Variants in MAP7 observed in about 807,000 individuals in gnomAD.
MAP7 encodes the protein ensconsin.
MAP7 carries 52 observed loss-of-function variants against 94.8 expected under a neutral mutation model. The ratio of observed to expected loss-of-function variants is 0.55; its 90% CI spans 0.44 to 0.69. The LOEUF is 0.69. Ranked by LOEUF, MAP7 falls within the 30% of genes least tolerant of loss-of-function variation. The probability of loss-of-function intolerance (pLI) is 0.00; values close to 1 mark genes in which losing one functional copy is unlikely to be tolerated. For missense variants in MAP7, 940 were observed against 964.6 expected (o/e 0.97, Z 0.34); for synonymous variants, 350 against 357.0 (o/e 0.98, Z 0.22).
At chr6:136,382,032 T>C (rs1165535022) in intron 6 of MAP7, among the ~76,000 whole-genome samples, 1 of 152,106 alleles carries the variant, frequency 6.6e-6, no homozygotes, top group Non-Finnish European at 1.5e-5. Context: ...GTCACCCTTC[T>C]GCAATAATTA....
Position 136,489,983 on chromosome 6 carries a change from C to G in MAP7, c.67+60359G>C, listed in dbSNP as rs971460244. Among the ~76,000 whole-genome samples, 29 of 152,194 alleles carry G rather than the reference C, an allele frequency of 1.9e-4. 1 individual carries two copies. The highest frequency in any genetic ancestry group is 1.7e-3 in the Admixed American group (26 of 15,280). ...GAAGTCAGCCAAATATATACAATTC[C>G]TCTTCCAGATATATATATAAGCTGG... On this transcript the variant is annotated intron_variant, in intron 1 of 17. Coordinates refer to ENST00000354570, the MANE Select transcript of MAP7 (RefSeq NM_003980.6).
intron 1 of MAP7, among the ~76,000 whole-genome samples, chr6:136,432,519 C>A (rs961627898): frequency 3.9e-5 from 6 of 152,242 alleles, no homozygotes; most frequent in Non-Finnish European, 7.3e-5. Flanking sequence ...GCCTTAGCAG[C>A]CAGTGGAATT....
rs1457134604 is a variant in MAP7 at position 136,372,456 on chromosome 6, G to A, written c.876+45C>T. On this transcript the variant is annotated intron_variant, in intron 8 of 17. Coordinates refer to ENST00000354570, the MANE Select transcript of MAP7 (RefSeq NM_003980.6). ...GTCATGTACAGTCTGCACAGGAACA[G>A]CACTGGCTCCCAGACTTGCCCAGCT... The A allele has an allele frequency of 3.1e-6, 5 of 1,610,330 alleles. No homozygotes were observed. In the African/African-American group the frequency reaches 5.3e-5, roughly 17 times the overall value.
chr6:136,421,457 C>G (rs908154042), intron 2 of MAP7, among the ~76,000 whole-genome samples: 1 of 152,116 alleles, frequency 6.6e-6, no homozygotes, highest in Non-Finnish European at 1.5e-5. Context: ...GTAAGCAGGT[C>G]GTGTGTTTGA....
chr6:136,483,129 CAAAAA>C (rs57320038), intron 1 of MAP7, among the ~76,000 whole-genome samples: 42 of 83,154 alleles, frequency 5.1e-4, no homozygotes, highest in African/African-American at 1.5e-3. Context: ...AAGTATCTTT[CAAAAA>C]AAAAAAAAAA....
intron 1 of MAP7, among the ~76,000 whole-genome samples, chr6:136,513,908 TG>T (rs1823989919): frequency 6.6e-6 from 1 of 152,164 alleles, no homozygotes; most frequent in Non-Finnish European, 1.5e-5. Context: ...TTGCAAGTGG[TG>T]GTGGTGGTTT....
At chr6:136,394,969 T>TATATATATATATATATA (rs1394582791) in intron 3 of MAP7, among the ~76,000 whole-genome samples, 2 of 133,340 alleles carry the variant, frequency 1.5e-5, no homozygotes, top group African/African-American at 5.5e-5. Flanking sequence ...TATATATATA[T>TATATATATATATATATA]ATCACATTTT....
chr6:136,357,483 C>T (rs1791350843), intron 15 of MAP7, among the ~76,000 whole-genome samples: 1 of 152,056 alleles, frequency 6.6e-6, no homozygotes, highest in Non-Finnish European at 1.5e-5. Context: ...TAATTCCTAC[C>T]CCTCACCCCC....
At chr6:136,491,482 G>A (rs543556065) in intron 1 of MAP7, among the ~76,000 whole-genome samples, 106 of 152,184 alleles carry the variant, frequency 7.0e-4, no homozygotes, top group African/African-American at 2.3e-3. Flanking sequence ...GGCATCACCC[G>A]GTTTATCATG....
chr6:136,460,107 A>G (rs1272311878), intron 1 of MAP7, among the ~76,000 whole-genome samples: 4 of 152,188 alleles, frequency 2.6e-5, no homozygotes, highest in Non-Finnish European at 5.9e-5. Context: ...CAAGTCTTAT[A>G]CCTAAAGACA....
chr6:136,493,640 C>G (rs891897842), intron 1 of MAP7, among the ~76,000 whole-genome samples: 1 of 152,156 alleles, frequency 6.6e-6, no homozygotes, highest in Non-Finnish European at 1.5e-5. Context: ...AAACCCTCCC[C>G]TTAGAAGTCA....
At chr6:136,351,909 T>C (rs1789321722) in intron 16 of MAP7, among the ~76,000 whole-genome samples, 1 of 152,154 alleles carries the variant, frequency 6.6e-6, no homozygotes, top group East Asian at 1.9e-4. Context: ...GCCTGGCTCC[T>C]GCAGTGCACA....
In MAP7 at chr6:136,550,279, C is replaced by A. The variant is rs1830051039; in HGVS notation, c.67+63G>T. On this transcript the variant is annotated intron_variant, in intron 1 of 17. Transcript: ENST00000354570. The surrounding 1 kb of genome is among the most constrained non-coding windows in gnomAD (Gnocchi z 5.1). ...GGCGCCGGGTGATTTCGGTGCCAGC[C>A]CGCCGGCCCCGCTCGCCGTCCCCTG... 2.2e-6 allele frequency: 3 copies of A among 1,370,086 alleles called. No individual in the cohort carries two copies. The African/African-American group carries it at 4.5e-5, about 21-fold the overall frequency. The allele number at this position is 1,370,086 out of a possible 1,614,324, so 84.9% of individuals were successfully genotyped here. A position where few individuals can be genotyped will look rare whatever the true frequency, so the allele number is the denominator to read the frequency against.
chr6:136,410,499 C>T (rs1787102563), intron 3 of MAP7, among the ~76,000 whole-genome samples: 1 of 152,230 alleles, frequency 6.6e-6, no homozygotes, highest in African/African-American at 2.4e-5. Flanking sequence ...CAAGAACCTA[C>T]CTGCCTGCAG....
chr6:136,366,131 T>G, intron 9 of MAP7, 113 bp from the exon 10 acceptor site: 1 of 1,191,416 alleles, frequency 8.4e-7, no homozygotes, highest in Non-Finnish European at 1.2e-6. Context: ...CGTGTATTTG[T>G]TTTTTATGTG....
intron 1 of MAP7, among the ~76,000 whole-genome samples, chr6:136,483,078 T>C (rs1407336182): frequency 1.4e-5 from 2 of 148,034 alleles, no homozygotes; most frequent in African/African-American, 2.5e-5. Context: ...TTTAGTTGTA[T>C]ATATATTTGT....
intron 7 of MAP7, among the ~76,000 whole-genome samples, chr6:136,375,485 T>C (rs1326683432): frequency 6.6e-6 from 1 of 152,100 alleles, no homozygotes; most frequent in Non-Finnish European, 1.5e-5. Context: ...TTCTTGCCAA[T>C]GGCAATTAGG....
chr6:136,347,978 T>C (rs1310881177), intron 16 of MAP7, among the ~76,000 whole-genome samples: 1 of 150,744 alleles, frequency 6.6e-6, no homozygotes, highest in Admixed American at 6.6e-5. Context: ...ATTATAAGTC[T>C]CCACAAGAGT....
intron 1 of MAP7, among the ~76,000 whole-genome samples, chr6:136,444,172 G>A (rs899118018): frequency 2.0e-5 from 3 of 152,194 alleles, no homozygotes; most frequent in African/African-American, 7.2e-5. Flanking sequence ...TGTGAGAAAT[G>A]AGCTTCGGAG....
Sources: gnomAD v4.1 joint callset for allele counts (sites outside exome capture counted in the v4.1 genomes callset) on GRCh38, gnomAD v4.1.1 for gene constraint, Gnocchi (gnomAD v3.1) non-coding constraint, MANE v1.5 for transcripts, NCBI Gene and HGNC (gene_info 2026-07-23, HGNC 2026-07-21) for gene names.